NCOA7: variants seen among roughly 807,000 people sequenced by gnomAD.
NCOA7 encodes nuclear receptor coactivator 7.
In NCOA7, 45 loss-of-function variants were observed where a neutral mutation model predicts 104.3. That is an observed-to-expected ratio of 0.43 (90% confidence interval 0.34 to 0.55). The LOEUF (loss-of-function observed/expected upper bound fraction) is 0.55, where lower values mean the gene tolerates loss of function less well. NCOA7 is among the 20% of genes least tolerant of loss of function. The probability of loss-of-function intolerance (pLI) is 0.02; values close to 1 mark genes in which losing one functional copy is unlikely to be tolerated. For missense variants in NCOA7, 1,041 were observed against 1,119.7 expected, an observed-to-expected ratio of 0.93 and a Z score of 1.00; for synonymous variants, 398 against 402.3, an observed-to-expected ratio of 0.99 and a Z score of 0.13.
chr6:125,833,336 C>T (rs985432629), intron 2 of NCOA7, among the ~76,000 whole-genome samples: 1 of 152,058 alleles, frequency 6.6e-6, no homozygotes, highest in African/African-American at 2.4e-5. Flanking sequence ...CCTGTAATCC[C>T]AGGACTATGG....
At chr6:125,908,374 C>T (rs1466352321) in intron 10 of NCOA7, among the ~76,000 whole-genome samples, 2 of 152,178 alleles carry the variant, frequency 1.3e-5, no homozygotes, top group Admixed American at 1.3e-4. Context: ...GAATCAGTAG[C>T]ACACCATGCC....
intron 2 of NCOA7, among the ~76,000 whole-genome samples, chr6:125,816,754 A>G (rs1226140431): frequency 6.6e-6 from 1 of 152,228 alleles, no homozygotes. Flanking sequence ...CAACTAGGAA[A>G]TTCATATTGA....
At chr6:125,876,258 G>C (rs1783369496) in intron 4 of NCOA7, among the ~76,000 whole-genome samples, 1 of 152,120 alleles carries the variant, frequency 6.6e-6, no homozygotes, top group Non-Finnish European at 1.5e-5. Context: ...TCTGTCACAG[G>C]CTTTCATGAT....
chr6:125,843,823 G>A (rs1441845074), intron 2 of NCOA7, among the ~76,000 whole-genome samples: 3 of 152,146 alleles, frequency 2.0e-5, no homozygotes, highest in Non-Finnish European at 4.4e-5. Flanking sequence ...CTGACTTCTA[G>A]AAAAGGGAAC....
In NCOA7 at chr6:125,922,849, T is replaced by G; in HGVS notation, c.2523+15T>G. The G allele has an allele frequency of 3.1e-6, 5 of 1,608,414 alleles. No homozygotes were observed. The highest frequency in any genetic ancestry group is 4.2e-6 in the Non-Finnish European group (5 of 1,176,878). On this transcript the variant is annotated intron_variant, in intron 13 of 15. Coordinates refer to ENST00000392477, the MANE Select transcript of NCOA7 (RefSeq NM_181782.5). ...TGGATAATCAGGTGAGGCCTGTCCCTCTCATAAAGAATATTTTTTAATAAT... is the reference window on the plus strand; with the variant it reads ...TGGATAATCAGGTGAGGCCTGTCCCGCTCATAAAGAATATTTTTTAATAAT...
intron 10 of NCOA7, among the ~76,000 whole-genome samples, chr6:125,895,965 ATGTGTGTG>A (rs61017866): frequency 2.7e-5 from 4 of 146,070 alleles, no homozygotes; most frequent in East Asian, 2.0e-4. Context: ...ATATGTATAT[ATGTGTGTG>A]TGTGTGTGTG....
intron 2 of NCOA7, among the ~76,000 whole-genome samples, chr6:125,850,739 G>A (rs894219770): frequency 5.3e-5 from 8 of 152,180 alleles, no homozygotes; most frequent in African/African-American, 1.7e-4. Context: ...AATCACCTTC[G>A]GAAGGGGGCA....
intron 2 of NCOA7, among the ~76,000 whole-genome samples, chr6:125,837,276 A>T (rs1041793617): frequency 3.3e-5 from 5 of 152,074 alleles, no homozygotes; most frequent in Non-Finnish European, 7.4e-5. Flanking sequence ...TACATGCTCC[A>T]CCTTTAAGGC....
At chr6:125,900,974 C>T (rs1482637414) in intron 10 of NCOA7, among the ~76,000 whole-genome samples, 1 of 152,224 alleles carries the variant, frequency 6.6e-6, no homozygotes, top group Admixed American at 6.5e-5. Context: ...CGTTTTCTAG[C>T]AGCAACCTCT....
chr6:125,906,490 G>A (rs1786017467), intron 10 of NCOA7, among the ~76,000 whole-genome samples: 1 of 152,152 alleles, frequency 6.6e-6, no homozygotes, highest in African/African-American at 2.4e-5. Context: ...AGCAAACCTA[G>A]CTACATTCAT....
intron 2 of NCOA7, among the ~76,000 whole-genome samples, chr6:125,831,742 C>T (rs1471278024): frequency 6.6e-6 from 1 of 152,214 alleles, no homozygotes; most frequent in East Asian, 1.9e-4. Flanking sequence ...TGCTTCTTGC[C>T]TCTTCAGCCT....
At chr6:125,921,111 T>A (rs1787539293) in intron 12 of NCOA7, 43 bp downstream of exon 12, 2 of 1,597,254 alleles carry the variant, frequency 1.3e-6, no homozygotes, top group African/African-American at 2.7e-5. Flanking sequence ...TCCTAGGCTT[T>A]AAGAAATATT....
intron 10 of NCOA7, among the ~76,000 whole-genome samples, chr6:125,892,209 T>C (rs1583476090): frequency 1.3e-5 from 2 of 152,346 alleles, no homozygotes. Context: ...ATGTATTCTT[T>C]ATAATATAAG....
chr6:125,872,066 A>G (rs1583428361), intron 3 of NCOA7, among the ~76,000 whole-genome samples: 1 of 150,948 alleles, frequency 6.6e-6, no homozygotes, highest in East Asian at 1.9e-4. Flanking sequence ...CTTTACCTCC[A>G]TGATCTCAAC....
At chr6:125,924,450 C>T (rs1457011737) in intron 13 of NCOA7, among the ~76,000 whole-genome samples, 3 of 152,178 alleles carry the variant, frequency 2.0e-5, no homozygotes, top group African/African-American at 7.2e-5. Flanking sequence ...CCATCTACCC[C>T]GAAGGGGAAA....
At chr6:125,921,109 T>C in intron 12 of NCOA7, 41 bp downstream of exon 12, 1 of 1,599,486 alleles carries the variant, frequency 6.3e-7, no homozygotes, top group Non-Finnish European at 8.5e-7. Flanking sequence ...GTTCCTAGGC[T>C]TTAAGAAATA....
chr6:125,847,792 A>G lies in NCOA7; in HGVS notation c.51-7228A>G, dbSNP rs143221659. Among the ~76,000 whole-genome samples the G allele has an allele frequency of 5.4e-3, 820 of 152,340 alleles. 23 individuals are homozygous for G. Among genetic ancestry groups the G allele is most frequent in the Admixed American group, 0.038 (580 of 15,286 alleles). On this transcript the variant is annotated intron_variant, in intron 2 of 15. Coordinates refer to ENST00000392477, the MANE Select transcript of NCOA7 (RefSeq NM_181782.5). ...CCAAAAGCAATGGCAACAAAAGCCA[A>G]AATTGACAAATGGGATCTAATTAAA...
chr6:125,883,144 G>GTTTTTGTT (rs1053822386), intron 7 of NCOA7, among the ~76,000 whole-genome samples: 7 of 152,160 alleles, frequency 4.6e-5, no homozygotes, highest in African/African-American at 1.7e-4. Flanking sequence ...TTTTCTGTGT[G>GTTTTTGTT]TTTTTGTTTT....
chr6:125,897,055 C>T (rs1242787219), intron 10 of NCOA7, among the ~76,000 whole-genome samples: 1 of 152,184 alleles, frequency 6.6e-6, no homozygotes, highest in Non-Finnish European at 1.5e-5. Flanking sequence ...GTCTCACTAT[C>T]TCATTATAAT....
Sources: gnomAD v4.1 joint callset for allele counts (sites outside exome capture counted in the v4.1 genomes callset) on GRCh38, gnomAD v4.1.1 for gene constraint, MANE v1.5 for transcripts, NCBI Gene and HGNC (gene_info 2026-07-23, HGNC 2026-07-21) for gene names.